Variants in THSD7B observed in about 807,000 individuals in gnomAD.
The protein encoded by THSD7B is thrombospondin type 1 domain containing 7B.
A neutral mutation model predicts 213.6 loss-of-function variants in THSD7B; 138 were observed. That is an observed-to-expected ratio of 0.65 (90% CI 0.56 to 0.74). The LOEUF (loss-of-function observed/expected upper bound fraction) is 0.74, where lower values mean the gene tolerates loss of function less well. THSD7B is among the 30% of genes least tolerant of loss of function. The pLI is 0.00. For synonymous variants in THSD7B, 742 were observed against 687.0 expected (o/e 1.08, Z -1.25); for missense variants, 1,931 against 1,991.5 (o/e 0.97, Z 0.58).
rs574550911 is a variant in THSD7B, at chr2:137,112,265, T to C, written c.1200-2859T>C. On this transcript the variant is annotated intron_variant, in intron 4 of 27. Transcript: ENST00000409968. ...AAGAAAAAAGGTTGAGCAAAGACTA[T>C]GAAAAGACCCATATTTTTAAAAAAA... Among the ~76,000 whole-genome samples, 190 of 152,186 alleles carry C rather than the reference T, an allele frequency of 1.2e-3. 1 individual carries two copies. The highest frequency in any genetic ancestry group is 3.5e-3 in the South Asian group (17 of 4,808).
chr2:137,365,906 A>T (rs923207578), intron 12 of THSD7B, among the ~76,000 whole-genome samples: 17 of 152,228 alleles, frequency 1.1e-4, no homozygotes, highest in Non-Finnish European at 1.8e-4. Flanking sequence ...TACCCAAAGG[A>T]TTATAAATCA....
intron 2 of THSD7B, among the ~76,000 whole-genome samples, chr2:136,981,850 T>C (rs1455498180): frequency 6.6e-6 from 1 of 152,186 alleles, no homozygotes; most frequent in Non-Finnish European, 1.5e-5. Flanking sequence ...CTTTCTTATC[T>C]GCCTGTGAGC....
chr2:136,831,129 C>CTTTTTTTTTTTTTT (rs776235166), intron 1 of THSD7B, among the ~76,000 whole-genome samples: 1 of 119,886 alleles, frequency 8.3e-6, no homozygotes, highest in African/African-American at 3.1e-5. Flanking sequence ...CCTGTAGAAT[C>CTTTTTTTTTTTTTT]TTTTTTTTTT....
At chr2:137,242,317 T>C (rs898635285) in intron 9 of THSD7B, 140 bp from the exon 10 acceptor site, 2 of 601,946 alleles carry the variant, frequency 3.3e-6, no homozygotes, top group African/African-American at 3.8e-5. Flanking sequence ...GCAAGTAGCT[T>C]CACCTCCAGG....
chr2:137,487,150 T>C (rs1425299695), intron 15 of THSD7B, among the ~76,000 whole-genome samples: 1 of 149,030 alleles, frequency 6.7e-6, no homozygotes, highest in African/African-American at 2.5e-5. Context: ...GGGTGGATCA[T>C]GAGGTCAGGA....
intron 2 of THSD7B, among the ~76,000 whole-genome samples, chr2:136,902,466 G>T (rs1026331201): frequency 6.6e-6 from 1 of 152,176 alleles, no homozygotes; most frequent in Admixed American, 6.5e-5. Context: ...AAAAATGACG[G>T]CAGGAAGACA....
At chr2:136,812,637 C>T (rs1682395710) in intron 1 of THSD7B, among the ~76,000 whole-genome samples, 1 of 152,172 alleles carries the variant, frequency 6.6e-6, no homozygotes, top group Admixed American at 6.5e-5. Flanking sequence ...AAGTAGGCAT[C>T]ACAGTATGTT....
In THSD7B at chr2:136,825,719, T is replaced by TTTTTTTTTTTTTTGTTTTTTTG. The variant is rs35571734; in HGVS notation, c.-35-56412_-35-56411insGTTTTTTTGTTTTTTTTTTTTT. 1.1e-4 allele frequency among the ~76,000 whole-genome samples: 5 copies of TTTTTTTTTTTTTTGTTTTTTTG among 46,650 alleles called. 1 individual carries two copies. The South Asian group carries it at 4.0e-3, about 37-fold the overall frequency. 30.6% of individuals were successfully genotyped at this position (46,650 alleles called of 152,430 possible). On this transcript the variant is annotated intron_variant, in intron 1 of 27. Transcript: ENST00000409968. ...GGTGCTCACTGCCATGCCTGGCTAA[T>TTTTTTTTTTTTTTGTTTTTTTG]TTTTTTTTTTTTTTTAGATCTGGGG...
chr2:137,442,788 G>T (rs1687442682), intron 14 of THSD7B, among the ~76,000 whole-genome samples: 1 of 152,170 alleles, frequency 6.6e-6, no homozygotes, highest in African/African-American at 2.4e-5. Context: ...GATATGCTCA[G>T]AAATCAGCTT....
chr2:136,848,099 A>T (rs1683039679), intron 1 of THSD7B, among the ~76,000 whole-genome samples: 1 of 152,204 alleles, frequency 6.6e-6, no homozygotes, highest in Admixed American at 6.5e-5. Flanking sequence ...CAAAGATGTA[A>T]GAGATCTTAG....
At chr2:137,208,418 C>G (rs898804950) in intron 7 of THSD7B, among the ~76,000 whole-genome samples, 1 of 135,162 alleles carries the variant, frequency 7.4e-6, no homozygotes, top group African/African-American at 2.9e-5. Flanking sequence ...TAATCCTAAA[C>G]GGGTCCTGTT....
At position 137,131,403 on chromosome 2, in the gene THSD7B, G is replaced by T. The variant is rs373933639; in HGVS notation, c.1369+16110G>T. Among the ~76,000 whole-genome samples, 395 of 152,052 alleles carry T rather than the reference G, an allele frequency of 2.6e-3. 1 individual carries two copies. The highest frequency in any genetic ancestry group is 6.8e-3 in the Middle Eastern group (2 of 294). On this transcript the variant is annotated intron_variant, in intron 5 of 27. Transcript: ENST00000409968. ...GTTTAATTAGATCCCATTTGTCAAT[G>T]TTGGCTTTTGTTGCCATTGCTTTTG... is the stretch of plus-strand genomic sequence containing the variant.
chr2:137,364,745 A>G (rs574795586), intron 12 of THSD7B, among the ~76,000 whole-genome samples: 1 of 152,346 alleles, frequency 6.6e-6, no homozygotes, highest in African/African-American at 2.4e-5. Flanking sequence ...AAAAGAGGAC[A>G]CAAACAAATG....
chr2:137,208,746 AG>A (rs1313992654), intron 7 of THSD7B, among the ~76,000 whole-genome samples: 7 of 152,140 alleles, frequency 4.6e-5, no homozygotes, highest in Admixed American at 6.6e-5. Context: ...GCACTGAGTC[AG>A]CCCCTGGGTA....
chr2:136,835,444 A>G (rs1682828178), intron 1 of THSD7B, among the ~76,000 whole-genome samples: 1 of 152,164 alleles, frequency 6.6e-6, no homozygotes, highest in South Asian at 2.1e-4. Context: ...AGCAATATTG[A>G]TGATGCAAAG....
chr2:137,127,013 A>C (rs541730692), intron 5 of THSD7B, among the ~76,000 whole-genome samples: 1 of 152,140 alleles, frequency 6.6e-6, no homozygotes, highest in African/African-American at 2.4e-5. Flanking sequence ...CCCCAAAACA[A>C]TGACAATAAT....
chr2:137,292,582 A>T (rs575338440), intron 12 of THSD7B, among the ~76,000 whole-genome samples: 1 of 152,170 alleles, frequency 6.6e-6, no homozygotes, highest in Non-Finnish European at 1.5e-5. Flanking sequence ...TTATTATAAC[A>T]ATCCAATCTA....
chr2:136,844,488 G>A (rs573046435), intron 1 of THSD7B, among the ~76,000 whole-genome samples: 1 of 149,466 alleles, frequency 6.7e-6, no homozygotes, highest in Non-Finnish European at 1.5e-5. Flanking sequence ...GAGAGAGAGA[G>A]AGAGAGACAG....
intron 1 of THSD7B, among the ~76,000 whole-genome samples, chr2:136,809,490 A>C (rs1484764159): frequency 1.3e-5 from 2 of 152,188 alleles, no homozygotes; most frequent in Non-Finnish European, 2.9e-5. Context: ...GTGCCATGAC[A>C]TCACCTTGGA....
Sources: allele counts gnomAD v4.1 joint callset (sites outside exome capture counted in the v4.1 genomes callset), GRCh38; gene constraint gnomAD v4.1.1; transcripts MANE v1.5; gene names NCBI Gene and HGNC (gene_info 2026-07-23, HGNC 2026-07-21).